Variants in RGMA observed in about 807,000 individuals in gnomAD.
RGMA encodes repulsive guidance molecule BMP co-receptor a.
RGMA carries 10 observed loss-of-function variants against 23.2 expected under a neutral mutation model. The observed-to-expected ratio is 0.43, with a 90% confidence interval of 0.27 to 0.73. The LOEUF (loss-of-function observed/expected upper bound fraction) is 0.73, where lower values mean the gene tolerates loss of function less well. Among genes scored for constraint, RGMA ranks in the 30% least tolerant of loss-of-function variants. RGMA has a pLI of 0.20. For missense variants in RGMA, 547 were observed against 630.5 expected (o/e 0.87, Z 1.42); for synonymous variants, 308 against 279.3 (o/e 1.10, Z -1.03).
intron 2 of RGMA, among the ~76,000 whole-genome samples, chr15:93,067,135 C>T (rs79309896): frequency 0.015 from 2,346 of 152,288 alleles, 87 homozygotes; most frequent in African/African-American, 0.054. Context: ...GTGAAATGTT[C>T]ATTTAGTGAT....
rs1441880217 is a variant in RGMA at position 93,045,475 on chromosome 15, A to G, written c.876T>C (p.Phe292=). 5 of 1,613,046 alleles carry G rather than the reference A, an allele frequency of 3.1e-6. No individual in the cohort carries two copies. The highest frequency in any genetic ancestry group is 1.3e-5 in the African/African-American group (1 of 74,876). Residue 292 remains phenylalanine, a synonymous_variant, in exon 4 of 4, where the codon TTT becomes TTC. Coordinates refer to ENST00000329082, the MANE Select transcript of RGMA (RefSeq NM_020211.3). This position sits in a 1 kb window ranked among gnomAD's most constrained non-coding sequence, Gnocchi z 6.9. ...CCACTTCCTCTGGCATGCGGACGGCAAAGGTCAGGTAGCGGCCCACCTGGC... is the reference window on the plus strand; with the variant it reads ...CCACTTCCTCTGGCATGCGGACGGCGAAGGTCAGGTAGCGGCCCACCTGGC... ...VVRQVGRYLT[F]AVRMPEEVVN...
At position 93,088,893 on chromosome 15, in the gene RGMA, C is replaced by T. The variant is rs746502045; in HGVS notation, c.14+26G>A. The stretch of plus-strand genomic sequence containing the variant: ...CGCCTCGGAGATGTCAGAGCCGGGT[C>T]TGCCCGGCTCCCGACCCGCGCTTAC... On this transcript the variant is annotated intron_variant, in intron 1 of 3. Coordinates refer to ENST00000329082, the MANE Select transcript of RGMA (RefSeq NM_020211.3). 4 of 1,488,722 alleles carry T rather than the reference C, an allele frequency of 2.7e-6. No individual in the cohort carries two copies. The South Asian group carries it at 5.0e-5, about 19-fold the overall frequency. 92.2% of individuals were successfully genotyped at this position (1,488,722 alleles called of 1,614,324 possible).
intron 2 of RGMA, 83 bp downstream of exon 2, chr15:93,072,833 C>T (rs1405556771): frequency 2.7e-6 from 4 of 1,457,518 alleles, no homozygotes; most frequent in African/African-American, 2.8e-5. Context: ...AACTTGAGCC[C>T]GGACTCACTC....
At position 93,039,979 on chromosome 15, in the gene RGMA, C is replaced by T. The variant is rs2054705407; in HGVS notation, c.*5019G>A. The T allele has an allele frequency of 6.6e-6, 1 of 152,242 alleles. No homozygotes were observed. The highest frequency in any genetic ancestry group is 1.5e-5 in the Non-Finnish European group (1 of 68,086). 9.4% of individuals were successfully genotyped at this position (152,242 alleles called of 1,614,324 possible). On this transcript the variant is annotated 3_prime_UTR_variant, in exon 4 of 4. Transcript: ENST00000329082. The stretch of plus-strand genomic sequence containing the variant: ...ATCCCAGCACTTTGGGAGGCTGAAA[C>T]AGACGTCTCGCTTGAGCCCAGGAGT...
chr15:93,063,215 C>A (rs1034872584), intron 2 of RGMA: 5 of 152,380 alleles, frequency 3.3e-5, no homozygotes, highest in African/African-American at 1.2e-4. Flanking sequence ...CCTCCCATGT[C>A]CCTTTCCTCA....
At chr15:93,082,262 C>T (rs893372872) in intron 1 of RGMA, among the ~76,000 whole-genome samples, 14 of 152,184 alleles carry the variant, frequency 9.2e-5, no homozygotes, top group Non-Finnish European at 1.9e-4. Flanking sequence ...GAGAGCTCTG[C>T]AGAGTTCTGC....
intron 2 of RGMA, among the ~76,000 whole-genome samples, chr15:93,060,364 C>T (rs1479094353): frequency 6.6e-6 from 1 of 152,178 alleles, no homozygotes; most frequent in African/African-American, 2.4e-5. Context: ...TCCTGATTAG[C>T]TATAGTGGGG....
intron 3 of RGMA, among the ~76,000 whole-genome samples, chr15:93,049,096 C>T (rs545005370): frequency 4.0e-4 from 61 of 150,848 alleles, no homozygotes; most frequent in African/African-American, 1.4e-3. Context: ...CGAAAGCTGG[C>T]GGCTCGCTGC....
intron 2 of RGMA, among the ~76,000 whole-genome samples, chr15:93,061,436 C>T (rs1045540177): frequency 3.3e-5 from 5 of 152,340 alleles, no homozygotes; most frequent in African/African-American, 1.2e-4. Context: ...CGGCATGAGC[C>T]ACCACGCCTG....
At position 93,080,550 on chromosome 15, in the gene RGMA, CG is replaced by C. The variant is rs1053888874; in HGVS notation, c.15-7520del. 3.5e-4 allele frequency among the ~76,000 whole-genome samples: 53 copies of C among 152,184 alleles called. 1 individual carries two copies. The highest frequency in any genetic ancestry group is 1.3e-3 in the African/African-American group (52 of 41,538). Reference sequence around the variant, plus strand: ...TGAGATCACAGCTGCTCCCCAGGCACGGGGCTTTTCGTTTTCTCTCTGCCTC... The same window carrying C: ...TGAGATCACAGCTGCTCCCCAGGCACGGGCTTTTCGTTTTCTCTCTGCCTC... On this transcript the variant is annotated intron_variant, in intron 1 of 3. Coordinates refer to ENST00000329082, the MANE Select transcript of RGMA (RefSeq NM_020211.3).
chr15:93,087,965 TTG>T (rs1441739248), intron 1 of RGMA, among the ~76,000 whole-genome samples: 3 of 152,016 alleles, frequency 2.0e-5, no homozygotes, highest in Non-Finnish European at 4.4e-5. Flanking sequence ...GGAGACTACT[TTG>T]AGAACACCCA....
rs1438747476 is a variant in RGMA at position 93,072,954 on chromosome 15, C to T, written c.92G>A (p.Trp31Ter). Residue 31 changes from tryptophan to a stop codon, truncating the protein, a stop_gained, in exon 2 of 4, where the codon TGG becomes TAG. Transcript: ENST00000329082. LOFTEE classifies it high-confidence loss of function. ...RGAGRSALGF[W>*]PTLAFLLCSF... ...GCAGAGAAGGAAGGCGAGGGTCGGCCAGAATCCCAGGGCTGAACGTCCTGC... is the reference window on the plus strand; with the variant it reads ...GCAGAGAAGGAAGGCGAGGGTCGGCTAGAATCCCAGGGCTGAACGTCCTGC... 6.2e-7 allele frequency: 1 copy of T among 1,611,416 alleles called. No homozygotes were observed. Among genetic ancestry groups the T allele is most frequent in the East Asian group, 2.2e-5 (1 of 44,770 alleles).
chr15:93,044,977 C>G lies in RGMA; in HGVS notation c.*21G>C. Reference sequence around the variant, plus strand: ...GGAAGCCGAGAGGACGGAGCCCGCGCCTCCCTCCACATCTACGCGTCTAGC... The same window carrying G: ...GGAAGCCGAGAGGACGGAGCCCGCGGCTCCCTCCACATCTACGCGTCTAGC... On this transcript the variant is annotated 3_prime_UTR_variant, in exon 4 of 4. Coordinates refer to ENST00000329082, the MANE Select transcript of RGMA (RefSeq NM_020211.3). 2,734 of 1,394,594 alleles carry G rather than the reference C, an allele frequency of 2.0e-3. No homozygotes were observed. Among genetic ancestry groups the G allele is most frequent in the Non-Finnish European group, 2.5e-3 (2,515 of 994,686 alleles). 86.4% of individuals were successfully genotyped at this position (1,394,594 alleles called of 1,614,324 possible). A position where few individuals can be genotyped will look rare whatever the true frequency, so the allele number is the denominator to read the frequency against.
In RGMA at chr15:93,088,905, C is replaced by G. The variant is rs1895687747; in HGVS notation, c.14+14G>C. 6.1e-6 allele frequency: 9 copies of G among 1,476,972 alleles called. No individual in the cohort carries two copies. Among genetic ancestry groups the G allele is most frequent in the Non-Finnish European group, 8.0e-6 (9 of 1,123,182 alleles). 91.5% of individuals were successfully genotyped at this position (1,476,972 alleles called of 1,614,324 possible). The stretch of plus-strand genomic sequence containing the variant: ...GTCAGAGCCGGGTCTGCCCGGCTCC[C>G]GACCCGCGCTTACCTTGGCGGCTGC... On this transcript the variant is annotated intron_variant, in intron 1 of 3. Transcript: ENST00000329082.
At chr15:93,071,145 G>C (rs1224750426) in intron 2 of RGMA, among the ~76,000 whole-genome samples, 5 of 152,186 alleles carry the variant, frequency 3.3e-5, no homozygotes, top group African/African-American at 7.2e-5. Flanking sequence ...GCAGCCAAGG[G>C]ACAAAAGCCA....
chr15:93,073,883 C>A, intron 1 of RGMA: 1 of 1,464,234 alleles, frequency 6.8e-7, no homozygotes, highest in South Asian at 1.4e-5. Context: ...GCACAGCTGC[C>A]ACTCCAGAGA....
chr15:93,045,432 A>C lies in RGMA; in HGVS notation c.919T>G (p.Trp307Gly), dbSNP rs781281725. ...PEEVVNAVED[W>G]DSQGLYLCLR... ...CAGAGGTAGAGACCCTGGCTGTCCCAGTCCTCCACAGCATTGACCACTTCC... is the reference window on the plus strand; with the variant it reads ...CAGAGGTAGAGACCCTGGCTGTCCCCGTCCTCCACAGCATTGACCACTTCC... Residue 307 changes from tryptophan (W) to glycine (G), a missense_variant, in exon 4 of 4, where the codon TGG (tryptophan) becomes GGG (glycine). Around this residue, in one of 3 missense-constraint regions of RGMA, gnomAD observed 205 missense variants for 204.1 expected, o/e 1.00. Coordinates refer to ENST00000329082, the MANE Select transcript of RGMA (RefSeq NM_020211.3). The surrounding 1 kb of genome is among the most constrained non-coding windows in gnomAD (Gnocchi z 6.9). The C allele has an allele frequency of 1.9e-6, 3 of 1,613,150 alleles. No individual in the cohort carries two copies. The highest frequency in any genetic ancestry group is 1.3e-5 in the African/African-American group (1 of 75,040).
intron 3 of RGMA, among the ~76,000 whole-genome samples, chr15:93,050,034 C>A (rs146755366): frequency 6.6e-6 from 1 of 152,226 alleles, no homozygotes; most frequent in African/African-American, 2.4e-5. Flanking sequence ...TTCCTCCATC[C>A]GGAAACTTGC....
At chr15:93,079,694 C>T (rs1895527171) in intron 1 of RGMA, among the ~76,000 whole-genome samples, 1 of 152,130 alleles carries the variant, frequency 6.6e-6, no homozygotes, top group Non-Finnish European at 1.5e-5. Context: ...GCAGTGGGCA[C>T]CTGTAACCCC....
Sources: allele counts gnomAD v4.1 joint callset (sites outside exome capture counted in the v4.1 genomes callset), GRCh38; gene constraint gnomAD v4.1.1; regional missense constraint gnomAD v4.1.1; non-coding constraint Gnocchi (gnomAD v3.1); transcripts MANE v1.5; gene names NCBI Gene and HGNC (gene_info 2026-07-23, HGNC 2026-07-21).